SIPA1L2: variants seen among roughly 807,000 people sequenced by gnomAD.
The protein encoded by SIPA1L2 is signal induced proliferation associated 1 like 2.
SIPA1L2 carries 56 observed loss-of-function variants against 163.9 expected under a neutral mutation model. The observed-to-expected ratio is 0.34, with a 90% confidence interval of 0.28 to 0.43. The LOEUF is 0.43. Ranked by LOEUF, SIPA1L2 falls within the 20% of genes least tolerant of loss-of-function variation. The pLI, the probability that SIPA1L2 is intolerant of heterozygous loss-of-function variation, is 1.00. For missense variants in SIPA1L2, 1,974 were observed against 2,193.5 expected (o/e 0.90, Z 2.00); for synonymous variants, 877 against 865.7 (o/e 1.01, Z -0.23).
chr1:232,529,809 A>G (rs989012176), intron 2 of SIPA1L2, among the ~76,000 whole-genome samples: 11 of 152,332 alleles, frequency 7.2e-5, no homozygotes, highest in African/African-American at 2.6e-4. Context: ...TGGAGGAAAA[A>G]AAGGTATTGC....
At chr1:232,400,252 A>G (rs937971814) in intron 22 of SIPA1L2, among the ~76,000 whole-genome samples, 1 of 152,124 alleles carries the variant, frequency 6.6e-6, no homozygotes, top group Non-Finnish European at 1.5e-5. Flanking sequence ...CTCCCCGGAC[A>G]TTCCTCACCA....
chr1:232,534,215 G>C (rs965191671), intron 2 of SIPA1L2, among the ~76,000 whole-genome samples: 6 of 152,114 alleles, frequency 3.9e-5, no homozygotes, highest in Non-Finnish European at 5.9e-5. Context: ...GAATAGAAGA[G>C]AGATCCCAGA....
intron 1 of SIPA1L2, among the ~76,000 whole-genome samples, chr1:232,578,430 A>G (rs1248495006): frequency 6.6e-6 from 1 of 152,174 alleles, no homozygotes; most frequent in East Asian, 1.9e-4. Flanking sequence ...CAAAAAAAAA[A>G]GGCATGATAT....
intron 9 of SIPA1L2, chr1:232,462,230 C>T: frequency 2.6e-6 from 4 of 1,551,026 alleles, no homozygotes; most frequent in South Asian, 1.2e-5. Flanking sequence ...AAAACATGGG[C>T]TCATTAAGTA....
In SIPA1L2 at chr1:232,432,371, G is replaced by A; in HGVS notation, c.4132C>T (p.Gln1378Ter). 6.2e-7 allele frequency: 1 copy of A among 1,614,204 alleles called. No individual in the cohort carries two copies. ...GGCTTGGACATGGACCCGGGAACCT[G>A]TTGTCCGCTGCTGTGAGACACGATG... is the stretch of plus-strand genomic sequence containing the variant. ...VYIVSHSSGQQVPGSMSKPYH... is the reference protein window; with the variant it reads ...VYIVSHSSGQ The change falls in exon 16 of 23, where the codon CAG (glutamine) becomes TAG (stop). Residue 1378 changes from glutamine to a stop codon, truncating the protein, a stop_gained. Coordinates refer to ENST00000674635, the MANE Select transcript of SIPA1L2 (RefSeq NM_020808.5). LOFTEE classifies it high-confidence loss of function.
rs995256450 is a variant in SIPA1L2 at position 232,490,934 on chromosome 1, C to T, written c.1746G>A (p.Leu582=). 1 of 1,614,160 alleles carries T rather than the reference C, an allele frequency of 6.2e-7. No individual in the cohort carries two copies. Among genetic ancestry groups the T allele is most frequent in the Non-Finnish European group, 8.5e-7 (1 of 1,180,016 alleles). Residue 582 remains leucine, a synonymous_variant, in exon 5 of 23, where the codon TTG becomes TTA. Transcript: ENST00000674635. The stretch of plus-strand genomic sequence containing the variant: ...CCTTGGGTGAGTTGGAAGCCTGTCG[C>T]AAACACTGAATGCTCAGCTCTGGAA... ...YVIPELSIQC[L]RQASNSPKVS...
chr1:232,545,858 T>A (rs983831444), intron 2 of SIPA1L2, among the ~76,000 whole-genome samples: 27 of 152,256 alleles, frequency 1.8e-4, no homozygotes, highest in Admixed American at 1.2e-3. Flanking sequence ...AAATCTATAT[T>A]ACTTCTTTAA....
chr1:232,616,947 A>C (rs1321096949), intron 1 of SIPA1L2, among the ~76,000 whole-genome samples: 3 of 152,252 alleles, frequency 2.0e-5, no homozygotes, highest in East Asian at 1.9e-4. Flanking sequence ...TCTCTTCAGC[A>C]TAAGTGATTG....
intron 3 of SIPA1L2, among the ~76,000 whole-genome samples, chr1:232,507,344 G>C (rs61210230): frequency 0.085 from 12,915 of 152,092 alleles, 1,340 homozygotes; most frequent in African/African-American, 0.25. Flanking sequence ...GTCATTCATA[G>C]CCGGGGTACA....
intron 6 of SIPA1L2, among the ~76,000 whole-genome samples, chr1:232,480,468 G>C (rs1477301678): frequency 6.6e-6 from 1 of 152,054 alleles, no homozygotes. Flanking sequence ...TCATAAAACT[G>C]TTCATCTTTT....
intron 2 of SIPA1L2, among the ~76,000 whole-genome samples, chr1:232,518,005 C>G (rs1214689530): frequency 3.9e-5 from 6 of 152,124 alleles, no homozygotes; most frequent in Non-Finnish European, 8.8e-5. Flanking sequence ...TATGATCGCA[C>G]CACTGCACCC....
chr1:232,476,354 A>G (rs1665046225), intron 7 of SIPA1L2, among the ~76,000 whole-genome samples: 1 of 152,268 alleles, frequency 6.6e-6, no homozygotes, highest in East Asian at 1.9e-4. Flanking sequence ...ACCCCTTCCC[A>G]ACACAGCAGC....
intron 1 of SIPA1L2, among the ~76,000 whole-genome samples, chr1:232,596,165 T>C (rs1245440415): frequency 6.6e-6 from 1 of 152,098 alleles, no homozygotes; most frequent in Non-Finnish European, 1.5e-5. Flanking sequence ...TTCCGGAAAG[T>C]CAAAGGGCTA....
At chr1:232,431,991 T>C (rs1662272265) in intron 16 of SIPA1L2, among the ~76,000 whole-genome samples, 1 of 152,240 alleles carries the variant, frequency 6.6e-6, no homozygotes, top group Admixed American at 6.5e-5. Context: ...CAGCAGCATG[T>C]TACCATGACT....
At chr1:232,599,781 T>C (rs990471860) in intron 1 of SIPA1L2, among the ~76,000 whole-genome samples, 18 of 152,208 alleles carry the variant, frequency 1.2e-4, no homozygotes, top group Non-Finnish European at 1.8e-4. Context: ...ATGACTGCAA[T>C]CACATACAGC....
At chr1:232,581,616 C>T (rs1330199799) in intron 1 of SIPA1L2, among the ~76,000 whole-genome samples, 1 of 152,210 alleles carries the variant, frequency 6.6e-6, no homozygotes, top group Non-Finnish European at 1.5e-5. Flanking sequence ...ACAGCTCACA[C>T]AGACACATCT....
intron 3 of SIPA1L2, among the ~76,000 whole-genome samples, chr1:232,501,629 A>G (rs934670833): frequency 6.6e-6 from 1 of 152,162 alleles, no homozygotes; most frequent in Admixed American, 6.5e-5. Context: ...CTGTTGTTCC[A>G]TTTCTCCAGA....
At chr1:232,449,111 C>A (rs1221156499) in intron 10 of SIPA1L2, among the ~76,000 whole-genome samples, 1 of 152,024 alleles carries the variant, frequency 6.6e-6, no homozygotes, top group African/African-American at 2.4e-5. Context: ...CATGGAACAA[C>A]TAGATCGCTG....
intron 1 of SIPA1L2, among the ~76,000 whole-genome samples, chr1:232,624,428 A>G (rs1478022794): frequency 6.6e-6 from 1 of 152,262 alleles, no homozygotes; most frequent in African/African-American, 2.4e-5. Context: ...CACCTCCAGA[A>G]GACAGTGAAA....
Sources: allele counts gnomAD v4.1 joint callset (sites outside exome capture counted in the v4.1 genomes callset), GRCh38; gene constraint gnomAD v4.1.1; transcripts MANE v1.5; gene names NCBI Gene and HGNC (gene_info 2026-07-23, HGNC 2026-07-21).